The following DLG2 variants were observed in gnomAD, a reference collection of about 807,000 sequenced individuals.
DLG2 encodes disks large homolog 2.
DLG2 carries 45 observed loss-of-function variants against 132.5 expected under a neutral mutation model. That is an observed-to-expected ratio of 0.34 (90% CI 0.27 to 0.44). The LOEUF is 0.44. DLG2 is among the 20% of genes least tolerant of loss of function. DLG2 has a pLI of 1.00. For missense variants in DLG2, 1,045 were observed against 1,196.9 expected (o/e 0.87, Z 1.87); for synonymous variants, 424 against 419.6 (o/e 1.01, Z -0.13).
chr11:84,910,116 G>A (rs963392985), intron 6 of DLG2, among the ~76,000 whole-genome samples: 1 of 152,204 alleles, frequency 6.6e-6, no homozygotes, highest in African/African-American at 2.4e-5. Context: ...GAGGTGGGCA[G>A]CAGATCTTCC....
chr11:84,235,106 C>T (rs2097142168), intron 8 of DLG2, among the ~76,000 whole-genome samples: 1 of 152,186 alleles, frequency 6.6e-6, no homozygotes, highest in Admixed American at 6.6e-5. Context: ...TTTAGATAAA[C>T]TCTTTCAACC....
intron 6 of DLG2, among the ~76,000 whole-genome samples, chr11:84,844,061 ATGTT>A (rs1481605425): frequency 2.7e-5 from 3 of 112,546 alleles, no homozygotes; most frequent in East Asian, 2.3e-4. Context: ...ATATATATAT[ATGTT>A]TGTGTGTGTG....
rs66514406 is a variant in DLG2, at chr11:83,561,883, CTTTTT to C, written c.1941-20030_1941-20026del. ...GCAAAGTTTGACTTAGTATTTCTTT[CTTTTT>C]TTTTTTTTTTTTTTTTTTTGAGATG... On this transcript the variant is annotated intron_variant, in intron 19 of 27. Transcript: ENST00000376104. Among the ~76,000 whole-genome samples the C allele has an allele frequency of 1.0e-2, 878 of 87,938 alleles. 5 individuals are homozygous for C. The highest frequency in any genetic ancestry group is 0.036 in the African/African-American group (788 of 21,728). 57.7% of individuals were successfully genotyped at this position (87,938 alleles called of 152,430 possible).
chr11:83,827,060 T>C (rs1264330007), intron 17 of DLG2, among the ~76,000 whole-genome samples: 3 of 152,036 alleles, frequency 2.0e-5, no homozygotes, highest in African/African-American at 7.3e-5. Flanking sequence ...GGTTCCTTCA[T>C]GGGACCGGGA....
At chr11:85,168,213 C>T (rs896693829) in intron 4 of DLG2, among the ~76,000 whole-genome samples, 2 of 151,984 alleles carry the variant, frequency 1.3e-5, no homozygotes, top group African/African-American at 4.8e-5. Flanking sequence ...AGAAAGGAAA[C>T]AAATATATAC....
At chr11:83,696,517 G>A (rs896907963) in intron 18 of DLG2, among the ~76,000 whole-genome samples, 3 of 152,102 alleles carry the variant, frequency 2.0e-5, no homozygotes, top group African/African-American at 7.2e-5. Flanking sequence ...ATCTTGATAT[G>A]AAAAAGCAAA....
At chr11:84,244,221 C>T (rs1225118426) in intron 8 of DLG2, among the ~76,000 whole-genome samples, 1 of 152,038 alleles carries the variant, frequency 6.6e-6, no homozygotes, top group Non-Finnish European at 1.5e-5. Flanking sequence ...CTCACTCTCT[C>T]ACCCAGGGTG....
At chr11:85,360,169 C>T (rs982452164) in intron 3 of DLG2, among the ~76,000 whole-genome samples, 5 of 152,092 alleles carry the variant, frequency 3.3e-5, no homozygotes, top group South Asian at 4.1e-4. Flanking sequence ...CACTTGTCAG[C>T]GGTTTCTAGT....
At chr11:84,446,629 T>C (rs1254030703) in intron 7 of DLG2, among the ~76,000 whole-genome samples, 1 of 148,832 alleles carries the variant, frequency 6.7e-6, no homozygotes, top group Non-Finnish European at 1.5e-5. Context: ...AAATTTACTC[T>C]TTTTTTTTCT....
chr11:83,615,051 ACTTC>A (rs1250685067), intron 19 of DLG2, among the ~76,000 whole-genome samples: 1 of 152,108 alleles, frequency 6.6e-6, no homozygotes, highest in Middle Eastern at 3.2e-3. Context: ...TGTTTCCCAA[ACTTC>A]CTTTTACCTA....
intron 3 of DLG2, among the ~76,000 whole-genome samples, chr11:85,571,032 G>C (rs2077815511): frequency 6.6e-6 from 1 of 151,680 alleles, no homozygotes; most frequent in Non-Finnish European, 1.5e-5. Flanking sequence ...TTTTAACATG[G>C]TTCAATTTAG....
chr11:83,556,462 T>G (rs909844284), intron 19 of DLG2, among the ~76,000 whole-genome samples: 1 of 151,254 alleles, frequency 6.6e-6, no homozygotes, highest in Non-Finnish European at 1.5e-5. Flanking sequence ...AACCTCCACC[T>G]CCCGGGTTCA....
rs1156277160 is a variant in DLG2, at chr11:85,518,044, C to A, written c.40+80613G>T. 2.6e-5 allele frequency among the ~76,000 whole-genome samples: 4 copies of A among 152,244 alleles called. No homozygotes were observed. The East Asian group carries it at 7.7e-4, about 29-fold the overall frequency. ...TCCCCAGCCATGTGGAACTGTAAGT[C>A]CAAATAAATCTCTTTCTTTTGTAAA... On this transcript the variant is annotated intron_variant, in intron 3 of 27. Coordinates refer to ENST00000376104, the MANE Select transcript of DLG2 (RefSeq NM_001142699.3).
chr11:85,233,861 G>C (rs2075436697), intron 4 of DLG2, among the ~76,000 whole-genome samples: 1 of 151,810 alleles, frequency 6.6e-6, no homozygotes, highest in East Asian at 1.9e-4. Context: ...GGAAATATGT[G>C]TTGCAGCTTC....
chr11:83,557,289 A>T (rs946621016), intron 19 of DLG2, among the ~76,000 whole-genome samples: 3 of 152,228 alleles, frequency 2.0e-5, no homozygotes, highest in Non-Finnish European at 2.9e-5. Context: ...ATCTGTAGAG[A>T]AAAACAAGGA....
At chr11:84,381,957 C>T (rs1474273583) in intron 7 of DLG2, among the ~76,000 whole-genome samples, 1 of 152,138 alleles carries the variant, frequency 6.6e-6, no homozygotes, top group Non-Finnish European at 1.5e-5. Context: ...GGACACCTGT[C>T]TGGATTTACA....
chr11:84,513,773 G>GAAC (rs915228849), intron 7 of DLG2, among the ~76,000 whole-genome samples: 4 of 149,390 alleles, frequency 2.7e-5, no homozygotes, highest in Non-Finnish European at 6.0e-5. Flanking sequence ...ATTGGTCCAG[G>GAAC]CCCCCCAAAA....
At chr11:84,315,411 A>C (rs1184930823) in intron 7 of DLG2, among the ~76,000 whole-genome samples, 1 of 152,196 alleles carries the variant, frequency 6.6e-6, no homozygotes, top group Non-Finnish European at 1.5e-5. Context: ...TCTGTGCAAC[A>C]ACCATAAGCT....
In DLG2 at chr11:84,357,225, T is replaced by C. The variant is rs557375741; in HGVS notation, c.520-105934A>G. On this transcript the variant is annotated intron_variant, in intron 7 of 27. Transcript: ENST00000376104. Reference sequence around the variant, plus strand: ...GCAAACTACAGAGGGATAGAAGACATAGGAGGCAATTCCTGTTGTCTCATT... The same window carrying C: ...GCAAACTACAGAGGGATAGAAGACACAGGAGGCAATTCCTGTTGTCTCATT... Among the ~76,000 whole-genome samples the C allele has an allele frequency of 3.3e-5, 5 of 152,180 alleles. No homozygotes were observed. In the East Asian group the frequency reaches 7.8e-4, roughly 24 times the overall value.
Sources: gnomAD v4.1 joint callset for allele counts (sites outside exome capture counted in the v4.1 genomes callset) on GRCh38, gnomAD v4.1.1 for gene constraint, MANE v1.5 for transcripts, NCBI Gene and HGNC (gene_info 2026-07-23, HGNC 2026-07-21) for gene names.